The following SVOPL variants were observed in gnomAD, a reference collection of about 807,000 sequenced individuals.
SVOPL encodes SVOP like.
A neutral mutation model predicts 61.0 loss-of-function variants in SVOPL; 60 were observed. The observed-to-expected ratio is 0.98, with a 90% CI of 0.80 to 1.22. SVOPL has a LOEUF of 1.22. Among genes scored for constraint, SVOPL ranks in the 50% most tolerant of loss-of-function variants. The pLI, the probability that SVOPL is intolerant of heterozygous loss-of-function variation, is 0.00. For missense variants in SVOPL, 662 were observed against 643.9 expected (o/e 1.03, Z -0.30); for synonymous variants, 279 against 250.0 (o/e 1.12, Z -1.09).
intron 5 of SVOPL, chr7:138,662,530 A>G: frequency 2.0e-6 from 2 of 985,848 alleles, no homozygotes; most frequent in South Asian, 4.7e-5. Flanking sequence ...GCAGTGGACT[A>G]GTCATTTAAA....
intron 14 of SVOPL, among the ~76,000 whole-genome samples, chr7:138,598,225 C>G (rs986595323): frequency 6.6e-6 from 1 of 151,876 alleles, no homozygotes; most frequent in African/African-American, 2.4e-5. Flanking sequence ...TAAAAAGCAG[C>G]CCAGACCAGG....
At chr7:138,626,533 T>C (rs890874437) in intron 12 of SVOPL, among the ~76,000 whole-genome samples, 17 of 152,074 alleles carry the variant, frequency 1.1e-4, no homozygotes, top group African/African-American at 3.9e-4. Flanking sequence ...GCTGGGACTA[T>C]AGACATCCAC....
intron 1 of SVOPL, among the ~76,000 whole-genome samples, chr7:138,684,829 A>G (rs1173794871): frequency 1.3e-5 from 2 of 152,218 alleles, no homozygotes; most frequent in East Asian, 1.9e-4. Flanking sequence ...TCACTACAGC[A>G]TTATTCATGA....
In SVOPL at chr7:138,596,188, T is replaced by TA. The variant is rs34972084; in HGVS notation, c.1467+228dup. Among the ~76,000 whole-genome samples the TA allele has an allele frequency of 8.4e-3, 1,007 of 120,306 alleles. 9 individuals carry two copies. The highest frequency in any genetic ancestry group is 0.024 in the South Asian group (88 of 3,658). The allele number at this position is 120,306 out of a possible 152,430, so 78.9% of individuals were successfully genotyped here. On this transcript the variant is annotated intron_variant, in intron 15 of 15. Transcript: ENST00000674285. ...TGGGCAACAGAGTCAGACTCTGTCT[T>TA]AAAAAAAAAAAAAAAAAAAGAAAGA...
chr7:138,672,641 G>T (rs1337641723), intron 3 of SVOPL, among the ~76,000 whole-genome samples: 1 of 104,396 alleles, frequency 9.6e-6, no homozygotes, highest in Non-Finnish European at 1.7e-5. Context: ...GCAGGAAAGT[G>T]TTTTTTTTTG....
intron 13 of SVOPL, among the ~76,000 whole-genome samples, chr7:138,622,222 GTATCTATCTATGTATC>G (rs1799681235): frequency 7.1e-4 from 48 of 67,298 alleles, no homozygotes; most frequent in Admixed American, 1.7e-3. Context: ...ATCTATCTAT[GTATCTATCTATGTATC>G]TATCTATCTA....
chr7:138,678,643 T>G, intron 2 of SVOPL, 118 bp from the exon 3 acceptor site: 1 of 974,150 alleles, frequency 1.0e-6, no homozygotes, highest in Non-Finnish European at 1.5e-6. Context: ...GGGGGGTCAG[T>G]GGTAGGCAAC....
chr7:138,655,183 C>T (rs1801660879), intron 7 of SVOPL, among the ~76,000 whole-genome samples: 1 of 150,902 alleles, frequency 6.6e-6, no homozygotes, highest in African/African-American at 2.4e-5. Context: ...GAGCAAGACC[C>T]TGTCTCAAAA....
At chr7:138,635,270 CAAAA>C (rs112228411) in intron 9 of SVOPL, among the ~76,000 whole-genome samples, 1 of 138,274 alleles carries the variant, frequency 7.2e-6, no homozygotes, top group Non-Finnish European at 1.6e-5. Context: ...AAAACTGTCT[CAAAA>C]AAAAAAAAAA....
intron 9 of SVOPL, among the ~76,000 whole-genome samples, chr7:138,642,259 A>G (rs985821397): frequency 1.3e-5 from 2 of 149,670 alleles, no homozygotes; most frequent in Admixed American, 6.8e-5. Context: ...GAACAAAAAA[A>G]GTCAAAGAAA....
rs569114443 is a variant in SVOPL at position 138,648,897 on chromosome 7, G to A, written c.660+115C>T. The A allele has an allele frequency of 3.7e-5, 55 of 1,491,168 alleles. No individual in the cohort carries two copies. The African/African-American group carries it at 6.3e-4, about 17-fold the overall frequency. The allele number at this position is 1,491,168 out of a possible 1,614,324, so 92.4% of individuals were successfully genotyped here. ...AGATTGCACCTCTGCACTGCAGCCT[G>A]GACAACAAAGAGAGACTCTGTCTCG... On this transcript the variant is annotated intron_variant, in intron 8 of 15. Coordinates refer to ENST00000674285, the MANE Select transcript of SVOPL (RefSeq NM_001139456.2).
chr7:138,635,911 A>G (rs1450319325), intron 9 of SVOPL, among the ~76,000 whole-genome samples: 1 of 152,192 alleles, frequency 6.6e-6, no homozygotes, highest in Non-Finnish European at 1.5e-5. Flanking sequence ...CATAGAAAAT[A>G]AAAGTGATGA....
chr7:138,600,640 A>G (rs1456606692), intron 14 of SVOPL, among the ~76,000 whole-genome samples: 1 of 152,132 alleles, frequency 6.6e-6, no homozygotes. Flanking sequence ...GGTGATGATG[A>G]AAAGAAACGG....
rs1490721610 is a variant in SVOPL at position 138,643,782 on chromosome 7, GTA to G, written c.789+933_789+934del. ...GGGGAACAAAGTTTTTGTTTAATGA[GTA>G]TAGAATTTCAGCTTTGTTAAGATGA... On this transcript the variant is annotated intron_variant, in intron 9 of 15. Coordinates refer to ENST00000674285, the MANE Select transcript of SVOPL (RefSeq NM_001139456.2). Among the ~76,000 whole-genome samples the G allele has an allele frequency of 2.6e-5, 4 of 152,114 alleles. No homozygotes were observed. The East Asian group carries it at 5.8e-4, about 22-fold the overall frequency.
intron 9 of SVOPL, among the ~76,000 whole-genome samples, chr7:138,631,993 C>G (rs1563104612): frequency 6.7e-6 from 1 of 149,568 alleles, no homozygotes. Context: ...CATACACACA[C>G]CCCTACACCC....
chr7:138,637,449 TAG>T (rs1344014542), intron 9 of SVOPL, among the ~76,000 whole-genome samples: 5 of 21,222 alleles, frequency 2.4e-4, no homozygotes, highest in African/African-American at 1.9e-3. Flanking sequence ...TATAGATAGA[TAG>T]ATAGATATAT....
intron 1 of SVOPL, among the ~76,000 whole-genome samples, chr7:138,700,146 A>G (rs1487702525): frequency 6.6e-6 from 1 of 152,060 alleles, no homozygotes; most frequent in Non-Finnish European, 1.5e-5. Context: ...TAGTTAGCAT[A>G]TATATGAAAT....
chr7:138,620,184 G>A (rs1168605765), intron 14 of SVOPL, among the ~76,000 whole-genome samples: 2 of 135,864 alleles, frequency 1.5e-5, no homozygotes, highest in Non-Finnish European at 1.5e-5. Flanking sequence ...GCAGTGACGC[G>A]ATCTCGGCTC....
chr7:138,677,245 G>C (rs908291458), intron 3 of SVOPL, among the ~76,000 whole-genome samples: 1 of 152,084 alleles, frequency 6.6e-6, no homozygotes, highest in East Asian at 1.9e-4. Flanking sequence ...GGACTGGAGA[G>C]CCCAGAGCCT....
Sources: allele counts gnomAD v4.1 joint callset (sites outside exome capture counted in the v4.1 genomes callset), GRCh38; gene constraint gnomAD v4.1.1; transcripts MANE v1.5; gene names NCBI Gene and HGNC (gene_info 2026-07-23, HGNC 2026-07-21).